ME1: variants seen among roughly 807,000 people sequenced by gnomAD.
ME1 encodes malic enzyme 1, also known as NADP-dependent malic enzyme.
Under a neutral mutation model 66.4 loss-of-function variants are expected in ME1, and 74 were observed. The ratio of observed to expected loss-of-function variants is 1.11; its 90% CI spans 0.92 to 1.35. ME1 has a LOEUF of 1.35. Among genes scored for constraint, ME1 ranks in the 40% most tolerant of loss-of-function variants. The probability of loss-of-function intolerance (pLI) is 0.00; values close to 1 mark genes in which losing one functional copy is unlikely to be tolerated. For synonymous variants in ME1, 251 were observed against 235.6 expected (o/e 1.07, Z -0.60); for missense variants, 750 against 694.1 (o/e 1.08, Z -0.90).
At chr6:83,258,787 T>C (rs1320530798) in intron 6 of ME1, among the ~76,000 whole-genome samples, 2 of 152,146 alleles carry the variant, frequency 1.3e-5, no homozygotes, top group Admixed American at 6.6e-5. Flanking sequence ...GAGTTCATAC[T>C]GCTAGCAGGT....
intron 2 of ME1, among the ~76,000 whole-genome samples, chr6:83,404,058 T>C (rs1769887321): frequency 6.6e-6 from 1 of 152,204 alleles, no homozygotes. Flanking sequence ...TTTCTGGTTC[T>C]AGATCCTTGA....
chr6:83,413,744 G>A (rs565690798), intron 1 of ME1, among the ~76,000 whole-genome samples: 1 of 152,102 alleles, frequency 6.6e-6, no homozygotes, highest in Non-Finnish European at 1.5e-5. Context: ...TTCCTCCAAG[G>A]CTTCTATAGT....
chr6:83,322,687 AC>A (rs1768201651), intron 5 of ME1, among the ~76,000 whole-genome samples: 1 of 152,242 alleles, frequency 6.6e-6, no homozygotes, highest in Admixed American at 6.5e-5. Flanking sequence ...TGGTTGGTGT[AC>A]CTGAAAGTGA....
At chr6:83,311,330 G>A (rs2128538485) in intron 6 of ME1, among the ~76,000 whole-genome samples, 1 of 152,310 alleles carries the variant, frequency 6.6e-6, no homozygotes, top group South Asian at 2.1e-4. Context: ...CCTAGGAAAA[G>A]GGAGAGCTTA....
chr6:83,422,416 C>T (rs1770285761), intron 1 of ME1, among the ~76,000 whole-genome samples: 1 of 152,134 alleles, frequency 6.6e-6, no homozygotes, highest in South Asian at 2.1e-4. Context: ...GCTAGAATCT[C>T]ATAATATGCA....
chr6:83,417,093 A>G (rs758859134), intron 1 of ME1, among the ~76,000 whole-genome samples: 9 of 152,130 alleles, frequency 5.9e-5, no homozygotes, highest in Admixed American at 1.3e-4. Flanking sequence ...TCTGTTGCCC[A>G]GGATAGAGTG....
chr6:83,390,437 T>C (rs553969365), intron 3 of ME1, among the ~76,000 whole-genome samples: 5 of 152,310 alleles, frequency 3.3e-5, no homozygotes, highest in Non-Finnish European at 7.4e-5. Context: ...TTCATCTATA[T>C]GCTAATGGAA....
intron 5 of ME1, 26 bp downstream of exon 5, chr6:83,346,144 TAGC>T: frequency 3.2e-6 from 5 of 1,550,950 alleles, no homozygotes; most frequent in Non-Finnish European, 4.4e-6. Context: ...TAAAGGTACA[TAGC>T]TGCCTTATAG....
Position 83,217,770 on chromosome 6 carries a change from G to A in ME1, c.1450-1174C>T, listed in dbSNP as rs1057301433. 2.6e-5 allele frequency among the ~76,000 whole-genome samples: 4 copies of A among 152,190 alleles called. No individual in the cohort carries two copies. In the East Asian group the frequency reaches 7.7e-4, roughly 29 times the overall value. On this transcript the variant is annotated intron_variant, in intron 12 of 13. Coordinates refer to ENST00000369705, the MANE Select transcript of ME1 (RefSeq NM_002395.6). ...AGTCAGACCAAAGGCAGAGTTGTGT[G>A]TGAGCTGGACTCAGCAGGCCCAAGT...
chr6:83,383,823 A>T (rs1195131397), intron 3 of ME1, among the ~76,000 whole-genome samples: 1 of 151,920 alleles, frequency 6.6e-6, no homozygotes, highest in Non-Finnish European at 1.5e-5. Context: ...AGAAAAAAAT[A>T]AAATTTGATA....
chr6:83,422,186 G>A (rs1770281373), intron 1 of ME1, among the ~76,000 whole-genome samples: 1 of 152,206 alleles, frequency 6.6e-6, no homozygotes, highest in South Asian at 2.1e-4. Context: ...AAGGCTTTGA[G>A]AAGTAAACTA....
At chr6:83,399,099 T>A (rs1017456375) in intron 2 of ME1, among the ~76,000 whole-genome samples, 5 of 151,884 alleles carry the variant, frequency 3.3e-5, no homozygotes, top group Non-Finnish European at 7.4e-5. Flanking sequence ...GTTCAAGCGT[T>A]TTCTCCTGCC....
intron 7 of ME1, among the ~76,000 whole-genome samples, chr6:83,240,514 T>C (rs1158890030): frequency 2.0e-5 from 3 of 152,110 alleles, no homozygotes; most frequent in African/African-American, 7.2e-5. Flanking sequence ...AGCAGTTCTC[T>C]TGCTTTAAGT....
rs750761002 is a variant in ME1 at position 83,352,061 on chromosome 6, T to C, written c.438+3A>G. ...GCTATAGTGGAAAAACATGATAACT[T>C]ACCTTGATGACATCTTCTGGCCATG... On this transcript the variant is annotated splice_donor_region_variant and intron_variant, in intron 4 of 13. Transcript: ENST00000369705. The C allele has an allele frequency of 6.3e-7, 1 of 1,591,398 alleles. No homozygotes were observed. The highest frequency in any genetic ancestry group is 8.6e-7 in the Non-Finnish European group (1 of 1,167,552).
At chr6:83,263,253 C>A (rs1196954028) in intron 6 of ME1, among the ~76,000 whole-genome samples, 1 of 152,162 alleles carries the variant, frequency 6.6e-6, no homozygotes, top group Non-Finnish European at 1.5e-5. Flanking sequence ...CTCCTCAAAC[C>A]TCCCTATTCC....
intron 7 of ME1, among the ~76,000 whole-genome samples, chr6:83,249,340 C>T (rs1790681028): frequency 1.3e-5 from 2 of 151,842 alleles, no homozygotes; most frequent in Admixed American, 1.3e-4. Flanking sequence ...CACCCGGGTT[C>T]AAGGGCCTCC....
At chr6:83,270,171 T>A (rs1767059046) in intron 6 of ME1, among the ~76,000 whole-genome samples, 1 of 152,172 alleles carries the variant, frequency 6.6e-6, no homozygotes, top group Non-Finnish European at 1.5e-5. Flanking sequence ...CATACTTCAG[T>A]TGATTTGTGT....
intron 13 of ME1, among the ~76,000 whole-genome samples, chr6:83,212,971 T>C (rs956448392): frequency 2.0e-5 from 3 of 152,146 alleles, no homozygotes; most frequent in Admixed American, 2.0e-4. Flanking sequence ...CTTTCCCTAC[T>C]TTCTTTAAAT....
rs1790475676 is a variant in ME1, at chr6:83,239,595, G to A, written c.856C>T (p.Arg286Ter). Reference sequence around the variant, plus strand: ...TCAGACAGTTTGTTCTTGGTTATTCGAAGAGCTGCAAGGAGACCTGCAACT... The same window carrying A: ...TCAGACAGTTTGTTCTTGGTTATTCAAAGAGCTGCAAGGAGACCTGCAACT... Reference protein sequence around the residue: ...VAVAGLLAALRITKNKLSDQT... With the variant: ...VAVAGLLAAL Residue 286 changes from arginine to a stop codon, truncating the protein, a stop_gained, in exon 8 of 14, where the codon CGA (arginine) becomes TGA (stop). Coordinates refer to ENST00000369705, the MANE Select transcript of ME1 (RefSeq NM_002395.6). LOFTEE classifies it high-confidence loss of function. 17 of 1,613,370 alleles carry A rather than the reference G, an allele frequency of 1.1e-5. No homozygotes were observed. Among genetic ancestry groups the A allele is most frequent in the African/African-American group, 2.7e-5 (2 of 74,994 alleles).
Sources: allele counts gnomAD v4.1 joint callset (sites outside exome capture counted in the v4.1 genomes callset), GRCh38; gene constraint gnomAD v4.1.1; transcripts MANE v1.5; gene names NCBI Gene and HGNC (gene_info 2026-07-23, HGNC 2026-07-21).